The following DLG2 variants were observed in gnomAD, a reference collection of about 807,000 sequenced individuals.
The protein encoded by DLG2 is discs large MAGUK scaffold protein 2.
Under a neutral mutation model 132.5 loss-of-function variants are expected in DLG2, and 45 were observed. The observed-to-expected ratio is 0.34, with a 90% CI of 0.27 to 0.44. The LOEUF (loss-of-function observed/expected upper bound fraction) is 0.44. Ranked by LOEUF, DLG2 falls within the 20% of genes least tolerant of loss-of-function variation. The pLI, the probability that DLG2 is intolerant of heterozygous loss-of-function variation, is 1.00. For missense variants in DLG2, 1,045 were observed against 1,196.9 expected (o/e 0.87, Z 1.87); for synonymous variants, 424 against 419.6 (o/e 1.01, Z -0.13).
rs533676533 is a variant in DLG2 at position 84,167,402 on chromosome 11, C to T, written c.574-3891G>A. Among the ~76,000 whole-genome samples, 5 of 152,046 alleles carry T rather than the reference C, an allele frequency of 3.3e-5. No individual in the cohort carries two copies. The South Asian group carries it at 1.0e-3, about 31-fold the overall frequency. ...TTGAATGCATTAAATATTTGTTTTT[C>T]TCCAACAGCTTTTAGTTAATTTTAT... On this transcript the variant is annotated intron_variant, in intron 8 of 27. Transcript: ENST00000376104.
intron 18 of DLG2, among the ~76,000 whole-genome samples, chr11:83,713,082 C>T (rs571205828): frequency 6.6e-5 from 10 of 152,202 alleles, no homozygotes; most frequent in African/African-American, 2.4e-4. Flanking sequence ...ATACACTAGG[C>T]AGATTATCAT....
chr11:84,046,339 T>C (rs115301175), intron 11 of DLG2, among the ~76,000 whole-genome samples: 1 of 151,560 alleles, frequency 6.6e-6, no homozygotes, highest in South Asian at 2.1e-4. Flanking sequence ...ATATTTGACA[T>C]CTTAGAATTC....
intron 6 of DLG2, among the ~76,000 whole-genome samples, chr11:84,856,789 T>G (rs986440684): frequency 1.3e-5 from 2 of 152,080 alleles, no homozygotes; most frequent in Non-Finnish European, 2.9e-5. Context: ...TCCTAGTGTC[T>G]GCCTTCTCTC....
intron 6 of DLG2, among the ~76,000 whole-genome samples, chr11:85,050,390 G>C (rs924181189): frequency 6.6e-6 from 1 of 151,984 alleles, no homozygotes; most frequent in South Asian, 2.1e-4. Context: ...TTTGTCTTTC[G>C]TTTCTTTAGG....
chr11:84,316,599 G>T (rs995195046), intron 7 of DLG2, among the ~76,000 whole-genome samples: 2 of 152,108 alleles, frequency 1.3e-5, no homozygotes, highest in Non-Finnish European at 2.9e-5. Flanking sequence ...AGAAGTTGAA[G>T]AAAAGTCAGT....
chr11:84,838,778 GA>G (rs1457296065), intron 6 of DLG2, among the ~76,000 whole-genome samples: 1 of 152,046 alleles, frequency 6.6e-6, no homozygotes, highest in Non-Finnish European at 1.5e-5. Flanking sequence ...AAAGGCCTTT[GA>G]CAAAATTCAA....
chr11:84,243,038 TAC>T (rs2097256289), intron 8 of DLG2, among the ~76,000 whole-genome samples: 1 of 151,114 alleles, frequency 6.6e-6, no homozygotes, highest in Admixed American at 6.6e-5. Flanking sequence ...TATATATATA[TAC>T]ACTCTCACAT....
intron 6 of DLG2, among the ~76,000 whole-genome samples, chr11:84,786,796 T>C (rs2072971088): frequency 1.3e-5 from 2 of 152,156 alleles, no homozygotes; most frequent in African/African-American, 2.4e-5. Context: ...CAAAGTTAAC[T>C]GGCAGTAAAA....
At position 83,817,412 on chromosome 11, in the gene DLG2, G is replaced by A. The variant is rs1200645951; in HGVS notation, c.1722+16202C>T. Among the ~76,000 whole-genome samples, 3 of 152,148 alleles carry A rather than the reference G, an allele frequency of 2.0e-5. No homozygotes were observed. In the East Asian group the frequency reaches 5.8e-4, roughly 29 times the overall value. On this transcript the variant is annotated intron_variant, in intron 17 of 27. Transcript: ENST00000376104. ...GATACAATGTCAGATATAGTTACAT[G>A]ACAGAGAAAAGACTGACTTTTAGAG...
chr11:84,921,214 G>T (rs2092741097), intron 6 of DLG2, among the ~76,000 whole-genome samples: 1 of 152,100 alleles, frequency 6.6e-6, no homozygotes. Flanking sequence ...TGTTGTCTCA[G>T]AAAGACAAGA....
chr11:84,250,545 C>T (rs1295197936), intron 8 of DLG2, among the ~76,000 whole-genome samples: 6 of 152,192 alleles, frequency 3.9e-5, no homozygotes, highest in Non-Finnish European at 8.8e-5. Context: ...CTATCCTCCA[C>T]TCATCAGCTA....
chr11:84,653,488 A>G (rs2099684573), intron 6 of DLG2, among the ~76,000 whole-genome samples: 1 of 152,170 alleles, frequency 6.6e-6, no homozygotes. Context: ...TCCTGCCTCC[A>G]GTAATGACTC....
intron 6 of DLG2, among the ~76,000 whole-genome samples, chr11:84,967,317 A>G (rs1237150285): frequency 6.6e-6 from 1 of 152,094 alleles, no homozygotes; most frequent in Non-Finnish European, 1.5e-5. Context: ...CCAGTGAAAA[A>G]TTACTCACTA....
chr11:84,144,917 C>A (rs942070526), intron 9 of DLG2, among the ~76,000 whole-genome samples: 1 of 152,148 alleles, frequency 6.6e-6, no homozygotes, highest in Non-Finnish European at 1.5e-5. Flanking sequence ...CCAGCTTTAC[C>A]ATTTCTCAAG....
At chr11:85,204,965 A>T (rs2081761027) in intron 4 of DLG2, among the ~76,000 whole-genome samples, 1 of 152,088 alleles carries the variant, frequency 6.6e-6, no homozygotes, top group East Asian at 1.9e-4. Flanking sequence ...GTGCTGAGAA[A>T]AGTGGATATC....
At chr11:85,130,410 G>C (rs2075587922) in intron 5 of DLG2, among the ~76,000 whole-genome samples, 1 of 152,146 alleles carries the variant, frequency 6.6e-6, no homozygotes, top group African/African-American at 2.4e-5. Context: ...CAGAGGTCTA[G>C]GAGGAGCCAA....
In DLG2 at chr11:83,543,279, A is replaced by G. The variant is rs148803786; in HGVS notation, c.1941-1421T>C. On this transcript the variant is annotated intron_variant, in intron 19 of 27. Coordinates refer to ENST00000376104, the MANE Select transcript of DLG2 (RefSeq NM_001142699.3). Reference sequence around the variant, plus strand: ...GGAACAGGGAGCTGGGGAAAGGCCAATGCCCACTCCTGAAGCTATCACTTC... The same window carrying G: ...GGAACAGGGAGCTGGGGAAAGGCCAGTGCCCACTCCTGAAGCTATCACTTC... Among the ~76,000 whole-genome samples, 69 of 152,314 alleles carry G rather than the reference A, an allele frequency of 4.5e-4. No homozygotes were observed. In the East Asian group the frequency reaches 0.01, roughly 23 times the overall value.
At chr11:83,962,367 T>A (rs11233861) in intron 14 of DLG2, among the ~76,000 whole-genome samples, 1 of 151,980 alleles carries the variant, frequency 6.6e-6, no homozygotes, top group Non-Finnish European at 1.5e-5. Context: ...TTGGGTACCC[T>A]GGGACAGGTC....
At chr11:85,090,862 A>G (rs1450362995) in intron 6 of DLG2, among the ~76,000 whole-genome samples, 1 of 152,218 alleles carries the variant, frequency 6.6e-6, no homozygotes, top group Non-Finnish European at 1.5e-5. Flanking sequence ...TTTGCTCACA[A>G]TTTTGCTGGT....
Sources: gnomAD v4.1 joint callset for allele counts (sites outside exome capture counted in the v4.1 genomes callset) on GRCh38, gnomAD v4.1.1 for gene constraint, MANE v1.5 for transcripts, NCBI Gene and HGNC (gene_info 2026-07-23, HGNC 2026-07-21) for gene names.